Variants in EXOC6B observed in about 807,000 individuals in gnomAD.
EXOC6B encodes the protein SEC15 homolog B.
A neutral mutation model predicts 113.5 loss-of-function variants in EXOC6B; 54 were observed. The observed-to-expected ratio is 0.48, with a 90% CI of 0.38 to 0.60. EXOC6B has a LOEUF of 0.60. Ranked by LOEUF, EXOC6B falls within the 20% of genes least tolerant of loss-of-function variation. The pLI, the probability that EXOC6B is intolerant of heterozygous loss-of-function variation, is 0.00. For synonymous variants in EXOC6B, 357 were observed against 339.0 expected, an observed-to-expected ratio of 1.05 and a Z score of -0.58; for missense variants, 797 against 977.5, an observed-to-expected ratio of 0.82 and a Z score of 2.46.
At chr2:72,671,793 A>AAGAAAGAAAGAAAGAAAGAAAG (rs1675872077) in intron 6 of EXOC6B, among the ~76,000 whole-genome samples, 1 of 134,332 alleles carries the variant, frequency 7.4e-6, no homozygotes, top group African/African-American at 2.9e-5. Flanking sequence ...GAAAGAAAGA[A>AAGAAAGAAAGAAAGAAAGAAAG]AGAAAGAAAG....
intron 18 of EXOC6B, among the ~76,000 whole-genome samples, chr2:72,419,480 G>A (rs1420505773): frequency 6.6e-6 from 1 of 152,094 alleles, no homozygotes; most frequent in African/African-American, 2.4e-5. Context: ...TTTCTTGCAG[G>A]AAAAATTTAG....
chr2:72,485,539 C>CA (rs1699378619), intron 16 of EXOC6B, among the ~76,000 whole-genome samples: 1 of 152,096 alleles, frequency 6.6e-6, no homozygotes, highest in Admixed American at 6.5e-5. Context: ...AGTCAGGGTA[C>CA]AAAAAACTGT....
chr2:72,192,843 A>G (rs1291335364), intron 20 of EXOC6B, among the ~76,000 whole-genome samples: 2 of 152,212 alleles, frequency 1.3e-5, no homozygotes, highest in South Asian at 2.1e-4. Context: ...TGCACTTTAT[A>G]TACATTCCAG....
chr2:72,309,077 C>A (rs1282456665), intron 20 of EXOC6B, among the ~76,000 whole-genome samples: 1 of 151,946 alleles, frequency 6.6e-6, no homozygotes, highest in South Asian at 2.1e-4. Context: ...GAAAAGATAA[C>A]CCTATGACCA....
At chr2:72,520,440 T>C (rs993666115) in intron 8 of EXOC6B, among the ~76,000 whole-genome samples, 1 of 152,216 alleles carries the variant, frequency 6.6e-6, no homozygotes, top group Non-Finnish European at 1.5e-5. Context: ...TTGATTCCTA[T>C]AGAAAATCAC....
intron 20 of EXOC6B, among the ~76,000 whole-genome samples, chr2:72,292,211 G>GTGTA (rs895405270): frequency 7.3e-6 from 1 of 136,686 alleles, no homozygotes; most frequent in Non-Finnish European, 1.6e-5. Context: ...GTGTGTGTGT[G>GTGTA]TACCTTATAA....
chr2:72,714,628 G>A (rs1426761448), intron 6 of EXOC6B, among the ~76,000 whole-genome samples: 2 of 151,984 alleles, frequency 1.3e-5, no homozygotes, highest in Admixed American at 6.6e-5. Flanking sequence ...AAATAGTAAA[G>A]GCTTATGCAA....
At chr2:72,594,867 T>C (rs1197794072) in intron 6 of EXOC6B, among the ~76,000 whole-genome samples, 1 of 152,032 alleles carries the variant, frequency 6.6e-6, no homozygotes, top group Non-Finnish European at 1.5e-5. Context: ...AAATAGTATA[T>C]AATTAAAGAA....
rs148852742 is a variant in EXOC6B at position 72,339,470 on chromosome 2, T to C, written c.2123-4450A>G. Among the ~76,000 whole-genome samples, 822 of 152,246 alleles carry C rather than the reference T, an allele frequency of 5.4e-3. 8 individuals are homozygous for C. The highest frequency in any genetic ancestry group is 0.019 in the African/African-American group (788 of 41,556). ...CTCAATGCAGAACCAAACCCCACCTTTGACCAATTCCTGTTACTGGGAGAC... is the reference window on the plus strand; with the variant it reads ...CTCAATGCAGAACCAAACCCCACCTCTGACCAATTCCTGTTACTGGGAGAC... On this transcript the variant is annotated intron_variant, in intron 19 of 21. Coordinates refer to ENST00000272427, the MANE Select transcript of EXOC6B (RefSeq NM_015189.3).
chr2:72,273,246 G>A (rs6719255), intron 20 of EXOC6B, among the ~76,000 whole-genome samples: 21,853 of 152,028 alleles, frequency 0.14, 1,655 homozygotes, highest in Admixed American at 0.17. Flanking sequence ...CATCTATCTC[G>A]TTGGAAATTA....
chr2:72,692,898 T>A (rs764601795), intron 6 of EXOC6B, among the ~76,000 whole-genome samples: 23 of 152,224 alleles, frequency 1.5e-4, no homozygotes, highest in Non-Finnish European at 2.4e-4. Flanking sequence ...ACTAATATCC[T>A]CTGGGCAAGT....
intron 8 of EXOC6B, among the ~76,000 whole-genome samples, chr2:72,557,511 G>A (rs1158259447): frequency 2.0e-5 from 3 of 152,124 alleles, no homozygotes; most frequent in East Asian, 1.9e-4. Context: ...CATGGATGGA[G>A]CAGGAGACTG....
At chr2:72,282,883 C>T (rs1431753679) in intron 20 of EXOC6B, among the ~76,000 whole-genome samples, 3 of 151,972 alleles carry the variant, frequency 2.0e-5, no homozygotes, top group African/African-American at 7.2e-5. Flanking sequence ...TTATATGCAC[C>T]TAGTAACATA....
chr2:72,748,145 G>C (rs773678839), intron 1 of EXOC6B, among the ~76,000 whole-genome samples: 1 of 152,014 alleles, frequency 6.6e-6, no homozygotes, highest in Non-Finnish European at 1.5e-5. Context: ...GAACCACGGA[G>C]AACTTCAAGA....
chr2:72,732,029 G>A (rs1318869294), intron 3 of EXOC6B, among the ~76,000 whole-genome samples: 1 of 152,160 alleles, frequency 6.6e-6, no homozygotes, highest in Non-Finnish European at 1.5e-5. Context: ...ATAAAACAGT[G>A]ATAATACCTG....
chr2:72,688,819 T>C (rs1677280096), intron 6 of EXOC6B, among the ~76,000 whole-genome samples: 1 of 152,228 alleles, frequency 6.6e-6, no homozygotes. Context: ...TTAAGAAAGC[T>C]AATACCTAGT....
chr2:72,265,527 G>A (rs1419893042), intron 20 of EXOC6B, among the ~76,000 whole-genome samples: 1 of 151,408 alleles, frequency 6.6e-6, no homozygotes, highest in Non-Finnish European at 1.5e-5. Context: ...CCTTGCGATA[G>A]TTTACTGAGA....
chr2:72,401,646 C>CTT, intron 18 of EXOC6B, among the ~76,000 whole-genome samples: 1 of 20,692 alleles, frequency 4.8e-5, no homozygotes, highest in African/African-American at 3.2e-4. Flanking sequence ...TACATATATA[C>CTT]ATATATATAT....
At chr2:72,691,398 G>A (rs1331898271) in intron 6 of EXOC6B, among the ~76,000 whole-genome samples, 1 of 151,790 alleles carries the variant, frequency 6.6e-6, no homozygotes, top group Non-Finnish European at 1.5e-5. Context: ...GCAGCCCTAG[G>A]AAATTAATAA....
Sources: allele counts gnomAD v4.1 joint callset (sites outside exome capture counted in the v4.1 genomes callset), GRCh38; gene constraint gnomAD v4.1.1; transcripts MANE v1.5; gene names NCBI Gene and HGNC (gene_info 2026-07-23, HGNC 2026-07-21).